Variants in ADGRL2 observed in about 807,000 individuals in gnomAD.
ADGRL2 encodes calcium-independent alpha-latrotoxin receptor 2.
In ADGRL2, 44 loss-of-function variants were observed where a neutral mutation model predicts 157.4. The ratio of observed to expected loss-of-function variants is 0.28; its 90% CI spans 0.22 to 0.36. The LOEUF (loss-of-function observed/expected upper bound fraction) is 0.36. ADGRL2 is among the 10% of genes least tolerant of loss of function. ADGRL2 has a pLI of 1.00. For missense variants in ADGRL2, 1,510 were observed against 1,768.9 expected, an observed-to-expected ratio of 0.85 and a Z score of 2.63; for synonymous variants, 585 against 624.7, an observed-to-expected ratio of 0.94 and a Z score of 0.95.
At chr1:81,626,581 G>A (rs941989194) in intron 3 of ADGRL2, among the ~76,000 whole-genome samples, 8 of 152,220 alleles carry the variant, frequency 5.3e-5, no homozygotes, top group Non-Finnish European at 1.0e-4. Context: ...CCTGAATGCT[G>A]TACTTTCACA....
intron 3 of ADGRL2, among the ~76,000 whole-genome samples, chr1:81,643,362 G>C (rs147927654): frequency 1.3e-5 from 2 of 152,256 alleles, no homozygotes; most frequent in Middle Eastern, 3.4e-3. Context: ...GCTCAGGCTG[G>C]AGTGCAGTGG....
At chr1:81,954,245 C>G (rs1050575266) in intron 10 of ADGRL2, among the ~76,000 whole-genome samples, 1 of 151,178 alleles carries the variant, frequency 6.6e-6, no homozygotes, top group Non-Finnish European at 1.5e-5. Flanking sequence ...AAAGAGACTA[C>G]TTCAGGAATA....
Position 81,979,094 on chromosome 1 carries a change from C to T in ADGRL2, c.3022-775C>T, listed in dbSNP as rs116744820. ...ACCAACCTTTGTCTCTCAGTCAAAA[C>T]ACAGCTCCTTTTCCTCTGAGCAAGC... is the stretch of plus-strand genomic sequence containing the variant. On this transcript the variant is annotated intron_variant, in intron 17 of 23. Transcript: ENST00000686636. 9.3e-3 allele frequency among the ~76,000 whole-genome samples: 1,411 copies of T among 151,830 alleles called. 18 individuals are homozygous for T. The highest frequency in any genetic ancestry group is 0.032 in the African/African-American group (1,346 of 41,500).
At chr1:81,326,283 T>G (rs1373139939) in intron 1 of ADGRL2, among the ~76,000 whole-genome samples, 1 of 152,232 alleles carries the variant, frequency 6.6e-6, no homozygotes, top group East Asian at 1.9e-4. Flanking sequence ...GCTTTGTGAT[T>G]GTAGCTCAGG....
intron 17 of ADGRL2, among the ~76,000 whole-genome samples, chr1:81,978,898 G>A (rs913170479): frequency 6.6e-6 from 1 of 151,440 alleles, no homozygotes; most frequent in African/African-American, 2.4e-5. Context: ...CTTAAGTAAC[G>A]TACAGCTCAC....
chr1:81,889,060 C>A (rs1406199857), intron 2 of ADGRL2, among the ~76,000 whole-genome samples: 3 of 152,148 alleles, frequency 2.0e-5, no homozygotes, highest in Non-Finnish European at 2.9e-5. Flanking sequence ...TGTCTCTCCC[C>A]CTCTCATCAG....
chr1:81,475,004 G>T (rs551231964), intron 2 of ADGRL2, among the ~76,000 whole-genome samples: 7 of 152,078 alleles, frequency 4.6e-5, no homozygotes, highest in East Asian at 1.9e-4. Context: ...TGACAACTGC[G>T]CTAGGAACCC....
Position 81,537,621 on chromosome 1 carries a change from T to C in ADGRL2, c.-247-43255T>C, listed in dbSNP as rs149219094. ...TTTCTAATGAAAAGCATTTTATCTT[T>C]ACTAAAAGTACTGCTATTTTTCCAA... On this transcript the variant is annotated intron_variant, in intron 2 of 24. Coordinates refer to the ADGRL2 transcript ENST00000370721. 1.9e-3 allele frequency among the ~76,000 whole-genome samples: 293 copies of C among 152,262 alleles called. 2 individuals carry two copies. The highest frequency in any genetic ancestry group is 6.9e-3 in the African/African-American group (288 of 41,548).
At chr1:81,810,517 A>G (rs1275646844) in intron 1 of ADGRL2, among the ~76,000 whole-genome samples, 1 of 151,926 alleles carries the variant, frequency 6.6e-6, no homozygotes, top group Non-Finnish European at 1.5e-5. Context: ...CACATTTCTT[A>G]TGTACCATTT....
chr1:81,767,237 T>G (rs549044556), intron 2 of ADGRL2, among the ~76,000 whole-genome samples: 1 of 152,326 alleles, frequency 6.6e-6, no homozygotes, highest in Admixed American at 6.5e-5. Context: ...TCCTTTAACA[T>G]TAATGCATAT....
intron 2 of ADGRL2, among the ~76,000 whole-genome samples, chr1:81,530,047 G>T (rs1414687273): frequency 1.3e-5 from 2 of 152,216 alleles, no homozygotes; most frequent in East Asian, 3.9e-4. Context: ...ATGGCTACAG[G>T]GTTGAATGCC....
chr1:81,836,959 A>G lies in ADGRL2; in HGVS notation c.-26A>G, dbSNP rs764166981. 6.8e-7 allele frequency: 1 copy of G among 1,460,172 alleles called. No individual in the cohort carries two copies. The highest frequency in any genetic ancestry group is 9.4e-7 in the Non-Finnish European group (1 of 1,068,588). 90.5% of individuals were successfully genotyped at this position (1,460,172 alleles called of 1,614,324 possible). On this transcript the variant is annotated 5_prime_UTR_variant, in exon 2 of 24. Transcript: ENST00000686636. ...TATAACTAGATTCATTAAGGAATAC[A>G]AAGAAAATACTTAAAGGGATCAATA...
rs201050324 is a variant in ADGRL2, at chr1:81,850,745, CT to C, written c.73+13689del. On this transcript the variant is annotated intron_variant, in intron 2 of 23. Transcript: ENST00000686636. The stretch of plus-strand genomic sequence containing the variant: ...TAGTTATTGAACACTGGAAATGTGA[CT>C]AATGTGACTGAGAAAATACATTTTT... Among the ~76,000 whole-genome samples, 600 of 151,998 alleles carry C rather than the reference CT, an allele frequency of 3.9e-3. 4 individuals are homozygous for C. The highest frequency in any genetic ancestry group is 0.013 in the African/African-American group (543 of 41,526).
chr1:81,437,237 G>A (rs1191101289), intron 1 of ADGRL2, among the ~76,000 whole-genome samples: 1 of 152,020 alleles, frequency 6.6e-6, no homozygotes, highest in African/African-American at 2.4e-5. Context: ...GCAGTCTCCT[G>A]GAATCACAAA....
Position 81,991,157 on chromosome 1 carries a change from A to G in ADGRL2, c.*12A>G. On this transcript the variant is annotated 3_prime_UTR_variant, in exon 24 of 24. Coordinates refer to ENST00000686636, the MANE Select transcript of ADGRL2 (RefSeq NM_001366006.2). ...TTACAAGTCTTTAATCATACAGCTAAGGAATTCCAAGGGCCACATGCGAGT... is the reference window on the plus strand; with the variant it reads ...TTACAAGTCTTTAATCATACAGCTAGGGAATTCCAAGGGCCACATGCGAGT... 1 of 1,587,140 alleles carries G rather than the reference A, an allele frequency of 6.3e-7. No individual in the cohort carries two copies. Among genetic ancestry groups the G allele is most frequent in the Non-Finnish European group, 8.6e-7 (1 of 1,164,414 alleles).
At chr1:81,725,760 A>G (rs1453425543) in intron 1 of ADGRL2, among the ~76,000 whole-genome samples, 1 of 152,182 alleles carries the variant, frequency 6.6e-6, no homozygotes, top group Non-Finnish European at 1.5e-5. Flanking sequence ...GAAAATGTGT[A>G]CTGTGCTTTT....
rs145443129 is a variant in ADGRL2 at position 81,807,013 on chromosome 1, A to G, written c.-101+5945A>G. On this transcript the variant is annotated intron_variant, in intron 1 of 23. Coordinates refer to ENST00000686636, the MANE Select transcript of ADGRL2 (RefSeq NM_001366006.2). ...AAGATTTATGTAAAAAATAAGTGCA[A>G]TTATTTTTAAGGTAATATATTTTGC... Among the ~76,000 whole-genome samples, 117 of 152,142 alleles carry G rather than the reference A, an allele frequency of 7.7e-4. No homozygotes were observed. The East Asian group carries it at 8.5e-3, about 11-fold the overall frequency.
At chr1:81,837,119 T>G (rs1488265631) in intron 2 of ADGRL2, 62 bp downstream of exon 2, 2 of 852,252 alleles carry the variant, frequency 2.3e-6, no homozygotes, top group African/African-American at 1.8e-5. Flanking sequence ...ACAATCTTCT[T>G]AATATGGAAG....
intron 2 of ADGRL2, among the ~76,000 whole-genome samples, chr1:81,463,170 G>T (rs2077977805): frequency 6.7e-6 from 1 of 150,050 alleles, no homozygotes; most frequent in African/African-American, 2.4e-5. Flanking sequence ...TGTAAACTTT[G>T]TAGGAAGTAC....
Sources: gnomAD v4.1 joint callset for allele counts (sites outside exome capture counted in the v4.1 genomes callset) on GRCh38, gnomAD v4.1.1 for gene constraint, MANE v1.5 for transcripts, NCBI Gene and HGNC (gene_info 2026-07-23, HGNC 2026-07-21) for gene names.